The following CSGALNACT1 variants were observed in gnomAD, a reference collection of about 807,000 sequenced individuals.
The protein encoded by CSGALNACT1 is beta4GalNAcT-1.
In CSGALNACT1, 52 loss-of-function variants were observed where a neutral mutation model predicts 51.0. The ratio of observed to expected loss-of-function variants is 1.02; its 90% CI spans 0.82 to 1.29. The LOEUF (loss-of-function observed/expected upper bound fraction) is 1.29, where lower values mean the gene tolerates loss of function less well. Ranked by LOEUF, CSGALNACT1 falls within the 50% of genes most tolerant of loss-of-function variation. CSGALNACT1 has a pLI of 0.00. For missense variants in CSGALNACT1, 935 were observed against 679.2 expected (o/e 1.38, Z -4.19); for synonymous variants, 341 against 254.4 (o/e 1.34, Z -3.24).
Position 19,623,164 on chromosome 8 carries a change from C to T in CSGALNACT1, c.-543-21299G>A, listed in dbSNP as rs559776260. On this transcript the variant is annotated intron_variant, in intron 1 of 9. Transcript: ENST00000332246. ...ACTAACCAAACAGAAACTGGGAAAG[C>T]TTAATCAAACTAGACTTTAAGGGAA... is the stretch of plus-strand genomic sequence containing the variant. Among the ~76,000 whole-genome samples, 12 of 152,284 alleles carry T rather than the reference C, an allele frequency of 7.9e-5. No individual in the cohort carries two copies. The South Asian group carries it at 2.3e-3, about 29-fold the overall frequency.
chr8:19,523,867 G>A (rs769228215), intron 3 of CSGALNACT1, among the ~76,000 whole-genome samples: 29 of 152,138 alleles, frequency 1.9e-4, no homozygotes, highest in Non-Finnish European at 7.3e-5. Flanking sequence ...AAACAATGCC[G>A]TAGTTCAGAG....
chr8:19,647,133 G>A (rs1448964217), intron 1 of CSGALNACT1, among the ~76,000 whole-genome samples: 4 of 152,038 alleles, frequency 2.6e-5, no homozygotes, highest in Non-Finnish European at 5.9e-5. Context: ...AAGCAGCTAG[G>A]GCCTTCCTAT....
chr8:19,701,241 A>C (rs1451071651), intron 1 of CSGALNACT1, among the ~76,000 whole-genome samples: 4 of 139,752 alleles, frequency 2.9e-5, no homozygotes, highest in Admixed American at 8.3e-5. Context: ...CTGCAACTTC[A>C]GCCTCCCAGG....
rs1564386424 is a variant in CSGALNACT1 at position 19,667,019 on chromosome 8, G to GAAA, written c.-544+15453_-544+15454insTTT. Among the ~76,000 whole-genome samples, 117 of 29,286 alleles carry GAAA rather than the reference G, an allele frequency of 4.0e-3. 3 individuals are homozygous for GAAA. The highest frequency in any genetic ancestry group is 7.3e-3 in the African/African-American group (33 of 4,530). The allele number at this position is 29,286 out of a possible 152,430, so 19.2% of individuals were successfully genotyped here. A position where few individuals can be genotyped will look rare whatever the true frequency, so the allele number is the denominator to read the frequency against. On this transcript the variant is annotated intron_variant, in intron 1 of 9. Coordinates refer to the CSGALNACT1 transcript ENST00000332246. ...AGAAAGAAAGAAAGAAAGAAAGAAA[G>GAAA]GAAGGAAGGAAGGAAGGAAGGAAGA...
chr8:19,449,256 C>A (rs1328650294), intron 5 of CSGALNACT1, among the ~76,000 whole-genome samples: 2 of 152,082 alleles, frequency 1.3e-5, no homozygotes, highest in Admixed American at 1.3e-4. Flanking sequence ...CAAAGAGAAA[C>A]CGTTATCTAA....
At chr8:19,715,982 T>A (rs1293424093) in intron 1 of CSGALNACT1, among the ~76,000 whole-genome samples, 1 of 152,218 alleles carries the variant, frequency 6.6e-6, no homozygotes, top group Non-Finnish European at 1.5e-5. Context: ...GCATATTACT[T>A]GTCAATCCAT....
At chr8:19,592,842 C>T (rs1198670990) in intron 2 of CSGALNACT1, among the ~76,000 whole-genome samples, 1 of 152,164 alleles carries the variant, frequency 6.6e-6, no homozygotes, top group African/African-American at 2.4e-5. Flanking sequence ...GTAAAGAACA[C>T]ATAAGTTCTT....
intron 5 of CSGALNACT1, among the ~76,000 whole-genome samples, chr8:19,450,683 C>A (rs1022308721): frequency 1.3e-5 from 2 of 152,082 alleles, no homozygotes; most frequent in African/African-American, 4.8e-5. Flanking sequence ...GTAAAGTGAT[C>A]TTTACAGATG....
At chr8:19,447,776 A>T (rs925506905) in intron 5 of CSGALNACT1, among the ~76,000 whole-genome samples, 2 of 152,164 alleles carry the variant, frequency 1.3e-5, no homozygotes, top group African/African-American at 4.8e-5. Context: ...TGTCAAAGTG[A>T]TGCACACCCC....
intron 3 of CSGALNACT1, among the ~76,000 whole-genome samples, chr8:19,524,663 G>C (rs112733884): frequency 1.2e-4 from 19 of 152,112 alleles, no homozygotes; most frequent in African/African-American, 4.1e-4. Flanking sequence ...AGTCTAAGGA[G>C]GCTTCAGCTT....
chr8:19,458,280 A>T (rs993068266), intron 5 of CSGALNACT1, 146 bp downstream of exon 4: 1 of 822,600 alleles, frequency 1.2e-6, no homozygotes, highest in Non-Finnish European at 2.1e-6. Context: ...AATACAAATG[A>T]TAAACTTTAC....
At chr8:19,504,474 T>C (rs550338551) in intron 4 of CSGALNACT1, among the ~76,000 whole-genome samples, 1 of 152,268 alleles carries the variant, frequency 6.6e-6, no homozygotes, top group South Asian at 2.1e-4. Context: ...CCAGTAACAA[T>C]AGATAAGTTA....
intron 1 of CSGALNACT1, among the ~76,000 whole-genome samples, chr8:19,756,304 C>T (rs569266570): frequency 1.3e-5 from 2 of 152,020 alleles, no homozygotes; most frequent in African/African-American, 4.8e-5. Flanking sequence ...AAAAACTGCA[C>T]CAAGGCTTTG....
intron 1 of CSGALNACT1, among the ~76,000 whole-genome samples, chr8:19,652,651 C>T (rs1029105721): frequency 6.6e-5 from 10 of 152,192 alleles, no homozygotes; most frequent in African/African-American, 2.4e-4. Context: ...ATCCACTGCT[C>T]CTCTATTTAC....
intron 1 of CSGALNACT1, among the ~76,000 whole-genome samples, chr8:19,627,671 A>T (rs1055533861): frequency 6.6e-6 from 1 of 152,120 alleles, no homozygotes; most frequent in Non-Finnish European, 1.5e-5. Flanking sequence ...AACGTAATAA[A>T]AAAATTAGCC....
intron 3 of CSGALNACT1, among the ~76,000 whole-genome samples, chr8:19,519,845 G>T (rs1252127628): frequency 6.6e-6 from 1 of 152,200 alleles, no homozygotes; most frequent in Non-Finnish European, 1.5e-5. Context: ...CAGCATGATG[G>T]AGAAGCCTGG....
chr8:19,603,143 G>C (rs892773871), upstream of CSGALNACT1, among the ~76,000 whole-genome samples: 7 of 141,554 alleles, frequency 4.9e-5, no homozygotes, highest in South Asian at 1.6e-3. Context: ...TAGAAAGAAA[G>C]AAAGAAAAGA....
intron 1 of CSGALNACT1, among the ~76,000 whole-genome samples, chr8:19,646,296 C>T (rs1330850214): frequency 6.6e-6 from 1 of 152,180 alleles, no homozygotes; most frequent in African/African-American, 2.4e-5. Context: ...AGAGACAAAG[C>T]TCCAGCCATC....
At chr8:19,694,805 G>A (rs1174631175) in intron 1 of CSGALNACT1, among the ~76,000 whole-genome samples, 1 of 152,196 alleles carries the variant, frequency 6.6e-6, no homozygotes, top group Admixed American at 6.5e-5. Flanking sequence ...TTAATAAAAA[G>A]AAGAAAGAAA....
Sources: allele counts gnomAD v4.1 joint callset (sites outside exome capture counted in the v4.1 genomes callset), GRCh38; gene constraint gnomAD v4.1.1; transcripts MANE v1.5; gene names NCBI Gene and HGNC (gene_info 2026-07-23, HGNC 2026-07-21).